Variants in LUC7L observed in about 807,000 individuals in gnomAD.
LUC7L encodes the protein putative RNA-binding protein Luc7-like 1.
A neutral mutation model predicts 51.1 loss-of-function variants in LUC7L; 29 were observed. That is an observed-to-expected ratio of 0.57 (90% CI 0.42 to 0.77). The LOEUF (loss-of-function observed/expected upper bound fraction) is 0.77. Among genes scored for constraint, LUC7L ranks in the 30% least tolerant of loss-of-function variants. The pLI, the probability that LUC7L is intolerant of heterozygous loss-of-function variation, is 0.00. For synonymous variants in LUC7L, 181 were observed against 180.7 expected (o/e 1.00, Z -0.01); for missense variants, 403 against 511.9 (o/e 0.79, Z 2.05).
Position 192,932 on chromosome 16 carries a change from G to C in LUC7L, c.771C>G (p.Ser257Arg). The change falls in exon 7 of 10, where the codon AGC becomes AGG. Residue 257 changes from serine to arginine, a missense_variant. By Grantham distance (110) the Ser-to-Arg change is moderately radical. Transcript: ENST00000293872. Reference protein sequence around the residue: ...REEREREERLSRRSGSRTRDR... With the variant: ...REEREREERLRRRSGSRTRDR... The stretch of plus-strand genomic sequence containing the variant: ...GTGCCAGCCCTCAGGCTCACCTCCT[G>C]CTCAGACGCTCCTCCCGTTCCCTCT... 1 of 1,612,494 alleles carries C rather than the reference G, an allele frequency of 6.2e-7. No homozygotes were observed. The highest frequency in any genetic ancestry group is 8.5e-7 in the Non-Finnish European group (1 of 1,179,852).
At chr16:204,381 G>C (rs113533445) in intron 5 of LUC7L, among the ~76,000 whole-genome samples, 20 of 152,102 alleles carry the variant, frequency 1.3e-4, no homozygotes, top group African/African-American at 3.9e-4. Context: ...TGGACCACGA[G>C]GTCAGATTGA....
intron 6 of LUC7L, among the ~76,000 whole-genome samples, chr16:196,466 G>C (rs1024214040): frequency 2.6e-5 from 4 of 152,080 alleles, no homozygotes; most frequent in African/African-American, 4.8e-5. Context: ...AAAATTCTGA[G>C]CTGTGAAATG....
In LUC7L at chr16:189,277, G is replaced by A. The variant is rs2048945486; in HGVS notation, c.1037C>T (p.Pro346Leu). The A allele has an allele frequency of 1.2e-6, 2 of 1,613,630 alleles. No homozygotes were observed. Among genetic ancestry groups the A allele is most frequent in the Admixed American group, 1.7e-5 (1 of 59,970 alleles). Residue 346 changes from proline (P) to leucine (L), a missense_variant, in exon 10 of 10, where the codon CCC becomes CTC. Transcript: ENST00000293872. ...SWESGRSERG[P>L]PDWRLESSNG... is the part of the protein sequence containing the mutation. ...GGAGCTCTCAAGCCTCCAGTCCGGG[G>A]GCCCTCGCTCGCTCCGCCCGCTCTC...
rs938002361 is a variant in LUC7L, at chr16:189,024, C to A, written c.*174G>T. The A allele has an allele frequency of 7.3e-6, 5 of 688,158 alleles. No homozygotes were observed. The highest frequency in any genetic ancestry group is 7.1e-5 in the African/African-American group (4 of 56,456). The allele number at this position is 688,158 out of a possible 1,614,324, so 42.6% of individuals were successfully genotyped here. On this transcript the variant is annotated 3_prime_UTR_variant, in exon 10 of 10. Coordinates refer to ENST00000293872, the MANE Select transcript of LUC7L (RefSeq NM_201412.3). Reference sequence around the variant, plus strand: ...AGCATCAGATTTATTTATTCCTACTCAACATGACCCGGGAACACAGGAGCA... The same window carrying A: ...AGCATCAGATTTATTTATTCCTACTAAACATGACCCGGGAACACAGGAGCA...
chr16:217,155 T>G (rs113428888), intron 3 of LUC7L, among the ~76,000 whole-genome samples: 44 of 152,196 alleles, frequency 2.9e-4, no homozygotes, highest in African/African-American at 1.0e-3. Flanking sequence ...TAGTTGGGAT[T>G]AGAGGACAGC....
intron 6 of LUC7L, among the ~76,000 whole-genome samples, chr16:197,862 T>C (rs1472099745): frequency 6.6e-6 from 1 of 152,142 alleles, no homozygotes; most frequent in African/African-American, 2.4e-5. Context: ...TTTCCCACCA[T>C]CCTATCCTGA....
chr16:198,957 G>T, intron 6 of LUC7L, 105 bp downstream of exon 6: 2 of 1,135,220 alleles, frequency 1.8e-6, no homozygotes, highest in Non-Finnish European at 2.5e-6. Context: ...TGGGATTATA[G>T]GCATCAGCCA....
At chr16:201,738 T>C (rs1307442795) in intron 5 of LUC7L, among the ~76,000 whole-genome samples, 1 of 14,560 alleles carries the variant, frequency 6.9e-5, no homozygotes, top group Non-Finnish European at 1.3e-4. Flanking sequence ...CGCACCAGGC[T>C]TTTTTTTTTT....
intron 6 of LUC7L, among the ~76,000 whole-genome samples, chr16:194,094 C>T (rs568882982): frequency 4.6e-5 from 7 of 151,572 alleles, no homozygotes; most frequent in Admixed American, 1.3e-4. Flanking sequence ...TGAGCCACCG[C>T]GCTTGGCCAC....
chr16:207,215 A>C (rs2049508000), intron 4 of LUC7L, among the ~76,000 whole-genome samples: 5 of 151,246 alleles, frequency 3.3e-5, no homozygotes, highest in Admixed American at 2.6e-4. Context: ...AAAAAAAAAA[A>C]CCGACAATAA....
At chr16:215,378 T>C (rs931864839) in intron 3 of LUC7L, among the ~76,000 whole-genome samples, 1 of 152,036 alleles carries the variant, frequency 6.6e-6, no homozygotes, top group Non-Finnish European at 1.5e-5. Context: ...CCCAGCACTT[T>C]GGGAGGCCGA....
intron 3 of LUC7L, among the ~76,000 whole-genome samples, chr16:217,788 C>G (rs2049847941): frequency 6.6e-6 from 1 of 151,404 alleles, no homozygotes; most frequent in South Asian, 2.1e-4. Context: ...CCTATAATCA[C>G]AACACTTTGG....
At chr16:229,208 GCCTCAGGCCGCC>G in intron 1 of LUC7L, 59 bp downstream of exon 1, 2 of 1,506,602 alleles carry the variant, frequency 1.3e-6, no homozygotes, top group South Asian at 2.5e-5. Context: ...CGCGGCCCCC[GCCTCAGGCCGCC>G]CGGCGGCCTC....
At chr16:200,177 C>CT (rs2142056581) in intron 5 of LUC7L, among the ~76,000 whole-genome samples, 1 of 151,712 alleles carries the variant, frequency 6.6e-6, no homozygotes, top group African/African-American at 2.4e-5. Flanking sequence ...AATCCCAGCA[C>CT]TTTGGGAGGC....
rs144861984 is a variant in LUC7L, at chr16:206,022, C to A, written c.492G>T (p.Ala164=). ...CACCAACCTCAGCTTCTTTTTTCTT[C>A]GCACGAACTTTTTCCACTTCCATAA... is the stretch of plus-strand genomic sequence containing the variant. The part of the protein sequence containing the change: ...KILMEVEKVR[A]KKKEAEEEYR... The change falls in exon 5 of 10, where the codon GCG becomes GCT. Residue 164 remains alanine (A), a synonymous_variant. Transcript: ENST00000293872. 1 of 1,610,964 alleles carries A rather than the reference C, an allele frequency of 6.2e-7. No individual in the cohort carries two copies. Among genetic ancestry groups the A allele is most frequent in the Non-Finnish European group, 8.5e-7 (1 of 1,179,308 alleles).
chr16:214,414 G>A (rs1188763517), intron 3 of LUC7L, among the ~76,000 whole-genome samples: 11 of 152,186 alleles, frequency 7.2e-5, no homozygotes, highest in Admixed American at 7.2e-4. Context: ...AGTTTGAAGG[G>A]CAGAGTCTAT....
chr16:189,728 C>A, intron 9 of LUC7L: 1 of 1,382,932 alleles, frequency 7.2e-7, no homozygotes, highest in Non-Finnish European at 9.3e-7. Context: ...CGCAACAGTG[C>A]ACAGGCCCCA....
intron 1 of LUC7L, chr16:229,053 T>C: frequency 1.4e-6 from 2 of 1,417,722 alleles, no homozygotes; most frequent in Non-Finnish European, 1.8e-6. Context: ...TGAAGCCCCA[T>C]CCATGGCGCA....
chr16:192,502 CTT>C (rs398058029), intron 7 of LUC7L, among the ~76,000 whole-genome samples: 14 of 125,594 alleles, frequency 1.1e-4, no homozygotes, highest in African/African-American at 8.9e-5. Flanking sequence ...ATGCTGTTTA[CTT>C]TTTTTTTTTT....
Sources: allele counts gnomAD v4.1 joint callset (sites outside exome capture counted in the v4.1 genomes callset), GRCh38; gene constraint gnomAD v4.1.1; transcripts MANE v1.5; gene names NCBI Gene and HGNC (gene_info 2026-07-23, HGNC 2026-07-21).